The following PRKN variants were observed in gnomAD, a reference collection of about 807,000 sequenced individuals.
PRKN encodes the protein E3 ubiquitin-protein ligase parkin.
PRKN carries 56 observed loss-of-function variants against 59.5 expected under a neutral mutation model. The observed-to-expected ratio is 0.94, with a 90% CI of 0.76 to 1.18. The LOEUF (loss-of-function observed/expected upper bound fraction) is 1.18, where lower values mean the gene tolerates loss of function less well. PRKN is among the 50% of genes most tolerant of loss of function. The pLI is 0.00. For missense variants in PRKN, 657 were observed against 596.4 expected, an observed-to-expected ratio of 1.10 and a Z score of -1.06; for synonymous variants, 250 against 222.1, an observed-to-expected ratio of 1.13 and a Z score of -1.12.
At chr6:162,025,748 C>A (rs1783410316) in intron 5 of PRKN, among the ~76,000 whole-genome samples, 1 of 151,816 alleles carries the variant, frequency 6.6e-6, no homozygotes, top group Admixed American at 6.6e-5. Flanking sequence ...CCACACCTGG[C>A]TAATTTTTTT....
Position 162,695,871 on chromosome 6 carries a change from G to A in PRKN, c.7+31791C>T, listed in dbSNP as rs562016357. Among the ~76,000 whole-genome samples, 11 of 152,282 alleles carry A rather than the reference G, an allele frequency of 7.2e-5. No homozygotes were observed. In the South Asian group the frequency reaches 1.7e-3, roughly 23 times the overall value. ...ATGGTAGAACTCTTAAGTACATAGA[G>A]TTTGGAGTCCGAGAAGCTAGAGTCC... On this transcript the variant is annotated intron_variant, in intron 1 of 11. Transcript: ENST00000366898.
chr6:162,367,466 G>C (rs974890560), intron 2 of PRKN, among the ~76,000 whole-genome samples: 1 of 152,050 alleles, frequency 6.6e-6, no homozygotes, highest in Non-Finnish European at 1.5e-5. Flanking sequence ...TATTTTAATG[G>C]TTCCTATTGT....
intron 2 of PRKN, among the ~76,000 whole-genome samples, chr6:162,352,530 A>T (rs1484504070): frequency 6.6e-6 from 1 of 152,172 alleles, no homozygotes; most frequent in Non-Finnish European, 1.5e-5. Flanking sequence ...TCCTGGGGCC[A>T]TCTTGATTAT....
In PRKN at chr6:162,449,881, T is replaced by G. The variant is rs113799751; in HGVS notation, c.8-6408A>C. Among the ~76,000 whole-genome samples the G allele has an allele frequency of 7.0e-3, 1,061 of 152,092 alleles. 12 individuals carry two copies. Among genetic ancestry groups the G allele is most frequent in the African/African-American group, 0.024 (996 of 41,472 alleles). On this transcript the variant is annotated intron_variant, in intron 1 of 11. Coordinates refer to ENST00000366898, the MANE Select transcript of PRKN (RefSeq NM_004562.3). ...GCCATAGAAGAGTGAACAAAAAAAA[T>G]GAAGATTTCTAGTTAGGGGGTCCAC...
chr6:162,283,741 G>C (rs146582339), intron 2 of PRKN, among the ~76,000 whole-genome samples: 6 of 151,998 alleles, frequency 3.9e-5, no homozygotes, highest in African/African-American at 1.4e-4. Flanking sequence ...GGCTGGTCTC[G>C]AACTCCTGAC....
At position 162,443,356 on chromosome 6, in the gene PRKN, C is replaced by T. The variant is rs368134308; in HGVS notation, c.125G>A (p.Arg42His). ...KRQGVPADQLRVIFAGKELRN... is the reference protein window; with the variant it reads ...KRQGVPADQLHVIFAGKELRN... ...CAGCTCCTTCCCTGCGAAAATCACA[C>T]GCAACTGGTCAGCCGGAACCCCCTG... Residue 42 changes from arginine to histidine, a missense_variant, in exon 2 of 12, where the codon CGT becomes CAT. By Grantham distance (29) the Arg-to-His change is conservative. Coordinates refer to ENST00000366898, the MANE Select transcript of PRKN (RefSeq NM_004562.3). The T allele has an allele frequency of 1.8e-4, 294 of 1,613,346 alleles. 4 individuals are homozygous for T. The highest frequency in any genetic ancestry group is 1.8e-3 in the South Asian group (165 of 91,042).
At chr6:161,866,993 T>C (rs1794136889) in intron 6 of PRKN, among the ~76,000 whole-genome samples, 2 of 152,202 alleles carry the variant, frequency 1.3e-5, no homozygotes, top group Admixed American at 1.3e-4. Flanking sequence ...AGTTCTCTAT[T>C]AGCTGGTGAC....
intron 2 of PRKN, among the ~76,000 whole-genome samples, chr6:162,290,243 C>A (rs1024481004): frequency 3.9e-5 from 6 of 152,124 alleles, no homozygotes; most frequent in African/African-American, 9.6e-5. Context: ...GTCTAACCTC[C>A]CCTGCAGCAG....
At chr6:162,670,513 T>C (rs1347843786) in intron 1 of PRKN, among the ~76,000 whole-genome samples, 1 of 152,184 alleles carries the variant, frequency 6.6e-6, no homozygotes, top group Non-Finnish European at 1.5e-5. Context: ...AATACAACCT[T>C]ACGCAGCTCT....
chr6:161,834,813 G>A (rs1376841687), intron 6 of PRKN, among the ~76,000 whole-genome samples: 3 of 152,306 alleles, frequency 2.0e-5, no homozygotes, highest in East Asian at 3.9e-4. Context: ...CCCAGGCCAG[G>A]GCAACCATTC....
At chr6:162,382,661 T>C (rs990761720) in intron 2 of PRKN, among the ~76,000 whole-genome samples, 3 of 152,234 alleles carry the variant, frequency 2.0e-5, no homozygotes, top group Admixed American at 2.0e-4. Flanking sequence ...GAAGTTGGGA[T>C]GACTGTGGCA....
At chr6:162,113,724 A>G (rs1205070802) in intron 4 of PRKN, among the ~76,000 whole-genome samples, 1 of 152,062 alleles carries the variant, frequency 6.6e-6, no homozygotes, top group Admixed American at 6.6e-5. Flanking sequence ...AGTCAATTAG[A>G]TCCCATTTGT....
chr6:162,596,920 G>A (rs1781515305), intron 1 of PRKN, among the ~76,000 whole-genome samples: 1 of 152,096 alleles, frequency 6.6e-6, no homozygotes, highest in Non-Finnish European at 1.5e-5. Context: ...ACATACAAGA[G>A]GGTCACAGAA....
intron 1 of PRKN, among the ~76,000 whole-genome samples, chr6:162,699,626 A>AC (rs1778083047): frequency 6.6e-6 from 1 of 152,188 alleles, no homozygotes; most frequent in African/African-American, 2.4e-5. Context: ...TTAAGAATAA[A>AC]AGTGTCTCCA....
chr6:162,016,733 C>T (rs1452290896), intron 5 of PRKN, among the ~76,000 whole-genome samples: 1 of 152,096 alleles, frequency 6.6e-6, no homozygotes, highest in African/African-American at 2.4e-5. Context: ...GTCTCAAGCC[C>T]AAGCATGCCA....
At chr6:161,960,935 C>A (rs548653323) in intron 6 of PRKN, among the ~76,000 whole-genome samples, 44 of 152,122 alleles carry the variant, frequency 2.9e-4, no homozygotes, top group Non-Finnish European at 4.3e-4. Context: ...TTGTGTGTAA[C>A]CCTAATCACT....
chr6:162,660,429 T>C (rs1226755668), intron 1 of PRKN, among the ~76,000 whole-genome samples: 1 of 152,176 alleles, frequency 6.6e-6, no homozygotes, highest in Non-Finnish European at 1.5e-5. Context: ...TGTATGCAAT[T>C]TCCTCTGCAT....
At chr6:161,669,419 A>G (rs1784832218) in intron 7 of PRKN, among the ~76,000 whole-genome samples, 1 of 152,222 alleles carries the variant, frequency 6.6e-6, no homozygotes, top group African/African-American at 2.4e-5. Context: ...CCTCCCCTGC[A>G]GCCACAGCAA....
chr6:161,936,366 C>T (rs996569988), intron 6 of PRKN, among the ~76,000 whole-genome samples: 1 of 151,984 alleles, frequency 6.6e-6, no homozygotes, highest in South Asian at 2.1e-4. Flanking sequence ...CATGCCACAA[C>T]ACCTGGCTAC....
Sources: gnomAD v4.1 joint callset for allele counts (sites outside exome capture counted in the v4.1 genomes callset) on GRCh38, gnomAD v4.1.1 for gene constraint, MANE v1.5 for transcripts, NCBI Gene and HGNC (gene_info 2026-07-23, HGNC 2026-07-21) for gene names.